RAB11FIP3: variants seen among roughly 807,000 people sequenced by gnomAD.
RAB11FIP3 encodes the protein RAB11 family interacting protein 3.
RAB11FIP3 carries 17 observed loss-of-function variants against 77.8 expected under a neutral mutation model. That is an observed-to-expected ratio of 0.22 (90% CI 0.15 to 0.33). RAB11FIP3 has a LOEUF of 0.33. Ranked by LOEUF, RAB11FIP3 falls within the 10% of genes least tolerant of loss-of-function variation. The pLI is 1.00. For synonymous variants in RAB11FIP3, 437 were observed against 448.2 expected (o/e 0.98, Z 0.31); for missense variants, 1,005 against 1,011.2 (o/e 0.99, Z 0.08).
chr16:449,992 A>C (rs1375657080), intron 1 of RAB11FIP3, among the ~76,000 whole-genome samples: 1 of 152,112 alleles, frequency 6.6e-6, no homozygotes, highest in Admixed American at 6.6e-5. Context: ...ACCTCGTCAC[A>C]GTGACTGTGC....
At position 484,879 on chromosome 16, in the gene RAB11FIP3, C is replaced by T. The variant is rs574100253; in HGVS notation, c.1115+2143C>T. 1.1e-4 allele frequency among the ~76,000 whole-genome samples: 16 copies of T among 152,218 alleles called. No homozygotes were observed. In the South Asian group the frequency reaches 3.3e-3, roughly 32 times the overall value. Reference sequence around the variant, plus strand: ...GCACGTCCCTTCAGCCTTGCAAGTTCCTGCAGGGGCTGCAGGGTCACCAGC... The same window carrying T: ...GCACGTCCCTTCAGCCTTGCAAGTTTCTGCAGGGGCTGCAGGGTCACCAGC... On this transcript the variant is annotated intron_variant, in intron 4 of 13. Coordinates refer to ENST00000262305, the MANE Select transcript of RAB11FIP3 (RefSeq NM_014700.4).
At chr16:491,697 G>A (rs1305679381) in intron 5 of RAB11FIP3, among the ~76,000 whole-genome samples, 1 of 152,226 alleles carries the variant, frequency 6.6e-6, no homozygotes, top group East Asian at 1.9e-4. Context: ...GTGTGAGGGA[G>A]CTCACTGTGT....
At chr16:478,099 C>T (rs969356512) in intron 3 of RAB11FIP3, among the ~76,000 whole-genome samples, 2 of 152,204 alleles carry the variant, frequency 1.3e-5, no homozygotes, top group African/African-American at 4.8e-5. Flanking sequence ...GCAGCTCGGC[C>T]TGGCCCTTCA....
chr16:482,586 C>G lies in RAB11FIP3; in HGVS notation c.965C>G (p.Thr322Ser). The G allele has an allele frequency of 6.2e-7, 1 of 1,613,638 alleles. No individual in the cohort carries two copies. Among genetic ancestry groups the G allele is most frequent in the Non-Finnish European group, 8.5e-7 (1 of 1,180,042 alleles). Residue 322 changes from threonine to serine, a missense_variant, in exon 4 of 14, where the codon ACC (threonine) becomes AGC (serine). Transcript: ENST00000262305. ...GSESTYSECE[T>S]FTDEDTSTLV... ...GAGAGCACCTACAGTGAGTGTGAGA[C>G]CTTCACGGACGAGGACACCAGCACC... is the stretch of plus-strand genomic sequence containing the variant.
intron 3 of RAB11FIP3, among the ~76,000 whole-genome samples, chr16:473,870 C>T (rs2055853169): frequency 6.6e-6 from 1 of 152,112 alleles, no homozygotes; most frequent in African/African-American, 2.4e-5. Context: ...TCACACCAGC[C>T]CCCACAACCA....
rs183665483 is a variant in RAB11FIP3, at chr16:442,040, G to A, written c.714+15320G>A. ...TTTTTAGTAGAGACGGGGTTTCACC[G>A]TGTTAGCCAGGGTGGTCTCGTCTCC... On this transcript the variant is annotated intron_variant, in intron 1 of 13. Transcript: ENST00000262305. Among the ~76,000 whole-genome samples the A allele has an allele frequency of 2.4e-3, 372 of 152,202 alleles. 4 individuals are homozygous for A. The highest frequency in any genetic ancestry group is 1.9e-4 in the Non-Finnish European group (13 of 68,000).
intron 1 of RAB11FIP3, among the ~76,000 whole-genome samples, chr16:427,042 C>A (rs1055687015): frequency 3.3e-5 from 5 of 152,110 alleles, no homozygotes; most frequent in East Asian, 1.9e-4. Flanking sequence ...TCGCCACCCC[C>A]CCAGGGTGCC....
rs1202735409 is a variant in RAB11FIP3 at position 494,132 on chromosome 16, G to A, written c.1266-2692G>A. ...TCTCAATCTCCGGACCTCGTGATCCGCCCGCCTCGGCCTCCCAAAGTGCTG... is the reference window on the plus strand; with the variant it reads ...TCTCAATCTCCGGACCTCGTGATCCACCCGCCTCGGCCTCCCAAAGTGCTG... On this transcript the variant is annotated intron_variant, in intron 5 of 13. Transcript: ENST00000262305. Among the ~76,000 whole-genome samples the A allele has an allele frequency of 1.6e-4, 21 of 130,392 alleles. 1 individual carries two copies. Among genetic ancestry groups the A allele is most frequent in the Non-Finnish European group, 2.3e-4 (14 of 61,298 alleles). The allele number at this position is 130,392 out of a possible 152,430, so 85.5% of individuals were successfully genotyped here.
intron 1 of RAB11FIP3, among the ~76,000 whole-genome samples, chr16:434,706 C>T (rs2055099117): frequency 1.3e-5 from 2 of 152,158 alleles, no homozygotes; most frequent in Admixed American, 1.3e-4. Context: ...GCATGAGCCA[C>T]TGGCCTGGCA....
chr16:429,366 T>C (rs1160903830), intron 1 of RAB11FIP3, among the ~76,000 whole-genome samples: 1 of 152,272 alleles, frequency 6.6e-6, no homozygotes, highest in East Asian at 1.9e-4. Flanking sequence ...ACAGTTCAGA[T>C]TAACTGGATA....
chr16:459,608 T>C, intron 1 of RAB11FIP3, among the ~76,000 whole-genome samples: 1 of 151,372 alleles, frequency 6.6e-6, no homozygotes, highest in Admixed American at 6.6e-5. Flanking sequence ...GGTTAATTTT[T>C]GTATTTTTAG....
intron 5 of RAB11FIP3, among the ~76,000 whole-genome samples, chr16:489,313 C>T (rs2029962042): frequency 6.6e-6 from 1 of 152,220 alleles, no homozygotes; most frequent in Non-Finnish European, 1.5e-5. Context: ...ACATGGTGGT[C>T]TGTGCAGGCT....
chr16:497,365 C>G, intron 6 of RAB11FIP3: 3 of 1,301,958 alleles, frequency 2.3e-6, no homozygotes, highest in Non-Finnish European at 1.0e-6. Flanking sequence ...CCTGCCAGTT[C>G]TTACCGAAAT....
chr16:441,471 C>T (rs1202548329), intron 1 of RAB11FIP3, among the ~76,000 whole-genome samples: 5 of 152,114 alleles, frequency 3.3e-5, no homozygotes, highest in African/African-American at 1.2e-4. Flanking sequence ...TAAGTCCTGC[C>T]GATTCATTCA....
At chr16:518,807 G>A in intron 9 of RAB11FIP3, 136 bp from the exon 10 acceptor site, 1 of 766,520 alleles carries the variant, frequency 1.3e-6, no homozygotes. Context: ...GGGCACATAA[G>A]GATTGGCCCT....
chr16:484,798 A>G (rs2056119695), intron 4 of RAB11FIP3, among the ~76,000 whole-genome samples: 1 of 152,200 alleles, frequency 6.6e-6, no homozygotes, highest in South Asian at 2.1e-4. Context: ...AAACTGCTGT[A>G]GGGATTCCAT....
rs1460255018 is a variant in RAB11FIP3 at position 471,281 on chromosome 16, T to A, written c.809-14T>A. ...TATGGGTGGCCTGTTGAGCACGAGG[T>A]CTTCTCCCTGCAGATCCTGATGGCC... On this transcript the variant is annotated splice_polypyrimidine_tract_variant and intron_variant, in intron 2 of 13. Coordinates refer to ENST00000262305, the MANE Select transcript of RAB11FIP3 (RefSeq NM_014700.4). The surrounding 1 kb of genome is among the most constrained non-coding windows in gnomAD (Gnocchi z 4.4). 1.2e-6 allele frequency: 2 copies of A among 1,609,938 alleles called. No homozygotes were observed. Among genetic ancestry groups the A allele is most frequent in the Admixed American group, 3.3e-5 (2 of 59,966 alleles).
intron 5 of RAB11FIP3, chr16:491,225 C>T: frequency 7.7e-7 from 1 of 1,304,864 alleles, no homozygotes; most frequent in Non-Finnish European, 1.0e-6. Context: ...AATCAACCGC[C>T]TTGAGGATCT....
chr16:441,398 T>C (rs1193477471), intron 1 of RAB11FIP3, among the ~76,000 whole-genome samples: 2 of 152,170 alleles, frequency 1.3e-5, no homozygotes, highest in Non-Finnish European at 2.9e-5. Context: ...GGTCTTCCCA[T>C]CACTGTCGAC....
Sources: allele counts gnomAD v4.1 joint callset (sites outside exome capture counted in the v4.1 genomes callset), GRCh38; gene constraint gnomAD v4.1.1; non-coding constraint Gnocchi (gnomAD v3.1); transcripts MANE v1.5; gene names NCBI Gene and HGNC (gene_info 2026-07-23, HGNC 2026-07-21).